Variants in PREX2 observed in about 807,000 individuals in gnomAD.
PREX2 encodes the protein phosphatidylinositol-3,4,5-trisphosphate dependent Rac exchange factor 2, also known as phosphatidylinositol 3,4,5-trisphosphate-dependent Rac exchanger 2 protein.
In PREX2, 107 loss-of-function variants were observed where a neutral mutation model predicts 203.2. The ratio of observed to expected loss-of-function variants is 0.53; its 90% CI spans 0.45 to 0.62. The LOEUF (loss-of-function observed/expected upper bound fraction) is 0.62, where lower values mean the gene tolerates loss of function less well. PREX2 is among the 20% of genes least tolerant of loss of function. The probability of loss-of-function intolerance (pLI) is 0.00; values close to 1 mark genes in which losing one functional copy is unlikely to be tolerated. For synonymous variants in PREX2, 672 were observed against 663.6 expected, an observed-to-expected ratio of 1.01 and a Z score of -0.19; for missense variants, 1,777 against 1,955.9, an observed-to-expected ratio of 0.91 and a Z score of 1.72.
chr8:68,049,387 T>C lies in PREX2; in HGVS notation c.944-3710T>C, dbSNP rs529669705. Among the ~76,000 whole-genome samples, 152 of 152,174 alleles carry C rather than the reference T, an allele frequency of 1.0e-3. 1 individual carries two copies. The highest frequency in any genetic ancestry group is 3.6e-3 in the African/African-American group (148 of 41,562). ...TAGTCTGGCAATTTCTTCTGTTTCT[T>C]AGCCTGTTTATAATACTTGGATATT... On this transcript the variant is annotated intron_variant, in intron 8 of 39. Coordinates refer to ENST00000288368, the MANE Select transcript of PREX2 (RefSeq NM_024870.4).
chr8:68,109,031 T>G, intron 24 of PREX2: 1 of 453,022 alleles, frequency 2.2e-6, no homozygotes, highest in South Asian at 1.6e-5. Context: ...GAATGGTGAG[T>G]AGCAGGGCCT....
At chr8:68,060,861 A>G in intron 11 of PREX2, 82 bp downstream of exon 11, 1 of 880,496 alleles carries the variant, frequency 1.1e-6, no homozygotes, top group Non-Finnish European at 1.8e-6. Context: ...TTTAGTTTAC[A>G]ATTCCCCACA....
At chr8:68,048,343 T>C (rs1808428309) in intron 8 of PREX2, among the ~76,000 whole-genome samples, 1 of 152,102 alleles carries the variant, frequency 6.6e-6, no homozygotes, top group South Asian at 2.1e-4. Context: ...TAGTATTCTC[T>C]CTTATGCACT....
intron 35 of PREX2, among the ~76,000 whole-genome samples, chr8:68,179,098 C>T (rs1812036213): frequency 1.3e-5 from 2 of 152,014 alleles, no homozygotes; most frequent in African/African-American, 4.8e-5. Context: ...GATGATGGTG[C>T]AACCGCATGT....
chr8:68,191,548 C>G (rs1431479728), intron 35 of PREX2, among the ~76,000 whole-genome samples, 174 bp from the exon 36 acceptor site: 5 of 152,132 alleles, frequency 3.3e-5, no homozygotes, highest in African/African-American at 9.7e-5. Context: ...GTAATTTTAT[C>G]CATCTTTTTA....
chr8:68,114,303 T>C (rs1417915065), intron 25 of PREX2: 1 of 510,376 alleles, frequency 2.0e-6, no homozygotes. Context: ...GCGTAAGAGG[T>C]ATAAGATATC....
intron 1 of PREX2, among the ~76,000 whole-genome samples, chr8:67,979,876 A>T (rs1437136633): frequency 6.6e-6 from 1 of 152,216 alleles, no homozygotes; most frequent in Non-Finnish European, 1.5e-5. Flanking sequence ...TACTCTGAGT[A>T]CTTCAAGTTT....
At chr8:68,047,203 C>T (rs923983345) in intron 8 of PREX2, among the ~76,000 whole-genome samples, 3 of 151,840 alleles carry the variant, frequency 2.0e-5, no homozygotes, top group East Asian at 1.9e-4. Flanking sequence ...TTGTTGTTTC[C>T]TTGGTCATTT....
intron 35 of PREX2, among the ~76,000 whole-genome samples, chr8:68,159,957 C>G (rs1190062494): frequency 6.6e-6 from 1 of 151,284 alleles, no homozygotes; most frequent in Non-Finnish European, 1.5e-5. Context: ...AAATGGCTCA[C>G]AAAGAAAAAA....
chr8:67,990,809 C>A (rs1283033029), intron 1 of PREX2, among the ~76,000 whole-genome samples: 1 of 151,632 alleles, frequency 6.6e-6, no homozygotes, highest in African/African-American at 2.4e-5. Context: ...CCGTGCCCGG[C>A]CTCCCAGGTG....
chr8:68,074,151 G>C (rs185663723), intron 14 of PREX2, among the ~76,000 whole-genome samples: 12 of 152,152 alleles, frequency 7.9e-5, no homozygotes, highest in Admixed American at 5.2e-4. Context: ...ATTTTCAGTA[G>C]AGACAGGGTT....
At chr8:68,031,095 A>G (rs1807870146) in intron 6 of PREX2, among the ~76,000 whole-genome samples, 3 of 152,144 alleles carry the variant, frequency 2.0e-5, no homozygotes, top group South Asian at 4.2e-4. Flanking sequence ...TCATTTATAA[A>G]CTGAAGGAAC....
rs1283454127 is a variant in PREX2 at position 68,191,719 on chromosome 8, C to T, written c.4347-3C>T. The T allele has an allele frequency of 6.3e-7, 1 of 1,598,328 alleles. No homozygotes were observed. Among genetic ancestry groups the T allele is most frequent in the Non-Finnish European group, 8.6e-7 (1 of 1,166,096 alleles). ...TGATAATTTATTTCTTGGATTCTTACAGGGCATTCTACTTGGACAAGTCAA... is the reference window on the plus strand; with the variant it reads ...TGATAATTTATTTCTTGGATTCTTATAGGGCATTCTACTTGGACAAGTCAA... On this transcript the variant is annotated splice_polypyrimidine_tract_variant and splice_region_variant and intron_variant, in intron 35 of 39. Transcript: ENST00000288368.
chr8:68,149,688 A>G (rs959620968), intron 34 of PREX2, among the ~76,000 whole-genome samples: 2 of 152,212 alleles, frequency 1.3e-5, no homozygotes, highest in Non-Finnish European at 2.9e-5. Flanking sequence ...TTAGCTGCAC[A>G]TTAATGATCT....
At chr8:67,987,187 C>G (rs1398303248) in intron 1 of PREX2, among the ~76,000 whole-genome samples, 3 of 54,316 alleles carry the variant, frequency 5.5e-5, no homozygotes, top group Non-Finnish European at 7.5e-5. Context: ...AAGAACACCA[C>G]TAACTAATTT....
At chr8:68,223,268 A>G (rs771175081) in intron 38 of PREX2, 1 of 152,200 alleles carries the variant, frequency 6.6e-6, no homozygotes, top group Non-Finnish European at 1.5e-5. Context: ...CTGTAAAATT[A>G]CTTCAAAATA....
chr8:68,016,124 A>T (rs779419172), intron 1 of PREX2, among the ~76,000 whole-genome samples: 10 of 152,220 alleles, frequency 6.6e-5, no homozygotes, highest in Non-Finnish European at 7.3e-5. Context: ...GATATAAGTT[A>T]TAACATGCTT....
chr8:68,051,145 A>G (rs1005044531), intron 8 of PREX2, among the ~76,000 whole-genome samples: 1 of 152,104 alleles, frequency 6.6e-6, no homozygotes, highest in Admixed American at 6.5e-5. Flanking sequence ...ACTCCCTGTT[A>G]TAGAGATGGC....
intron 6 of PREX2, among the ~76,000 whole-genome samples, chr8:68,037,355 A>G (rs1434011313): frequency 1.3e-5 from 2 of 152,138 alleles, no homozygotes; most frequent in African/African-American, 4.8e-5. Flanking sequence ...ATGATAGATT[A>G]GGTTGTAAAA....
Sources: allele counts gnomAD v4.1 joint callset (sites outside exome capture counted in the v4.1 genomes callset), GRCh38; gene constraint gnomAD v4.1.1; transcripts MANE v1.5; gene names NCBI Gene and HGNC (gene_info 2026-07-23, HGNC 2026-07-21).